Variants in CMPK1 observed in about 807,000 individuals in gnomAD.
CMPK1 encodes the protein cytidine/uridine monophosphate kinase 1.
CMPK1 carries 10 observed loss-of-function variants against 25.7 expected under a neutral mutation model. The ratio of observed to expected loss-of-function variants is 0.39; its 90% confidence interval spans 0.24 to 0.66. CMPK1 has a LOEUF of 0.66. Ranked by LOEUF, CMPK1 falls within the 30% of genes least tolerant of loss-of-function variation. The pLI is 0.48. For synonymous variants in CMPK1, 106 were observed against 101.5 expected, an observed-to-expected ratio of 1.04 and a Z score of -0.27; for missense variants, 199 against 280.5, an observed-to-expected ratio of 0.71 and a Z score of 2.08.
At chr1:47,355,039 G>A (rs1293675078) in intron 1 of CMPK1, among the ~76,000 whole-genome samples, 1 of 151,704 alleles carries the variant, frequency 6.6e-6, no homozygotes, top group Non-Finnish European at 1.5e-5. Flanking sequence ...TAATCCAGTG[G>A]AAAATGGAAT....
At chr1:47,341,254 A>G (rs374472131) in intron 1 of CMPK1, among the ~76,000 whole-genome samples, 2 of 152,328 alleles carry the variant, frequency 1.3e-5, no homozygotes, top group Middle Eastern at 3.4e-3. Flanking sequence ...ACAAAAATGC[A>G]AATATTTATA....
intron 1 of CMPK1, among the ~76,000 whole-genome samples, chr1:47,359,392 T>TTC (rs1553189277): frequency 2.8e-5 from 4 of 140,710 alleles, no homozygotes; most frequent in Non-Finnish European, 4.5e-5. Context: ...TTTTCTTTTT[T>TTC]TTTTTTTTTT....
chr1:47,367,948 T>G, intron 1 of CMPK1, among the ~76,000 whole-genome samples: 1 of 152,018 alleles, frequency 6.6e-6, no homozygotes, highest in East Asian at 1.9e-4. Flanking sequence ...TTAAATTTAT[T>G]TTTTATTTTT....
intron 1 of CMPK1, chr1:47,358,646 C>T: frequency 1.0e-6 from 1 of 990,274 alleles, no homozygotes; most frequent in Non-Finnish European, 1.2e-6. Flanking sequence ...AAACCTTAAG[C>T]ACTCTAGTTC....
chr1:47,358,407 G>C (rs557469343), intron 1 of CMPK1: 5 of 1,229,794 alleles, frequency 4.1e-6, no homozygotes, highest in Non-Finnish European at 5.2e-6. Context: ...GCCACAGTGC[G>C]TAGTCCCTGT....
At chr1:47,346,477 C>T (rs1646484641) in intron 1 of CMPK1, among the ~76,000 whole-genome samples, 1 of 151,906 alleles carries the variant, frequency 6.6e-6, no homozygotes, top group African/African-American at 2.4e-5. Context: ...TTAATTTTAT[C>T]TCCCTGTCTC....
At chr1:47,374,219 G>C (rs1233475151) in intron 3 of CMPK1, among the ~76,000 whole-genome samples, 1 of 152,180 alleles carries the variant, frequency 6.6e-6, no homozygotes, top group Non-Finnish European at 1.5e-5. Flanking sequence ...ACCATGCCTA[G>C]TTAATTTTTG....
At chr1:47,358,104 CTTTTT>C (rs398039948) in intron 1 of CMPK1, among the ~76,000 whole-genome samples, 1 of 78,754 alleles carries the variant, frequency 1.3e-5, no homozygotes, top group African/African-American at 5.3e-5. Flanking sequence ...CATAGTAGGT[CTTTTT>C]TTTTTTTTTT....
chr1:47,334,927 T>C (rs1024601523), intron 1 of CMPK1, among the ~76,000 whole-genome samples: 5 of 152,348 alleles, frequency 3.3e-5, no homozygotes, highest in Non-Finnish European at 5.9e-5. Flanking sequence ...AAAATGCTGT[T>C]ACTTTTTTTT....
chr1:47,374,871 C>A, intron 3 of CMPK1, 38 bp from the exon 4 acceptor site: 1 of 1,493,056 alleles, frequency 6.7e-7, no homozygotes, highest in South Asian at 1.2e-5. Context: ...ATGGCAAATT[C>A]ATATCTATAT....
intron 1 of CMPK1, among the ~76,000 whole-genome samples, chr1:47,351,951 C>T (rs1417205789): frequency 8.5e-5 from 13 of 152,068 alleles, no homozygotes; most frequent in East Asian, 1.9e-4. Context: ...GCCTGACCAA[C>T]GTAGTGAAAC....
chr1:47,359,914 C>G (rs2820989), intron 1 of CMPK1, among the ~76,000 whole-genome samples: 63,671 of 152,040 alleles, frequency 0.42, 15,435 homozygotes, highest in South Asian at 0.55. Flanking sequence ...TGCCTTTCTC[C>G]AGGTATTCTC....
chr1:47,355,260 G>A (rs1646551601), intron 1 of CMPK1, among the ~76,000 whole-genome samples: 1 of 151,536 alleles, frequency 6.6e-6, no homozygotes. Context: ...TGGCCAGGCT[G>A]GTCTTGAACT....
chr1:47,352,372 T>C (rs1273406886), intron 1 of CMPK1, among the ~76,000 whole-genome samples: 1 of 152,152 alleles, frequency 6.6e-6, no homozygotes, highest in Non-Finnish European at 1.5e-5. Flanking sequence ...GAACATCCAG[T>C]ATGCTTTCTA....
intron 2 of CMPK1, 31 bp from the exon 3 acceptor site, chr1:47,372,924 G>A (rs749376825): frequency 6.3e-7 from 1 of 1,577,610 alleles, no homozygotes; most frequent in South Asian, 1.2e-5. Context: ...TGTTAATGTT[G>A]TATTGAACCT....
In CMPK1 at chr1:47,334,019, T is replaced by C; in HGVS notation, c.74T>C (p.Ile25Thr). ...TTCCTGCTGCAGACCCGCCGGCCGATTCTCCTCTGCTCTCCACGTCTCATG... is the reference window on the plus strand; with the variant it reads ...TTCCTGCTGCAGACCCGCCGGCCGACTCTCCTCTGCTCTCCACGTCTCATG... ...LSFLLQTRRP[I>T]LLCSPRLMKP... Residue 25 changes from isoleucine to threonine, a missense_variant, in exon 1 of 6, where the codon ATT becomes ACT. Ile to Thr is a moderately conservative substitution (Grantham distance 89). This residue lies in a region of CMPK1 where 59 missense variants were observed against 45.1 expected (regional missense o/e 1.31). Coordinates refer to ENST00000371873, the MANE Select transcript of CMPK1 (RefSeq NM_016308.3). 6.5e-7 allele frequency: 1 copy of C among 1,548,272 alleles called. No individual in the cohort carries two copies. The highest frequency in any genetic ancestry group is 8.7e-7 in the Non-Finnish European group (1 of 1,146,880).
chr1:47,366,452 C>G (rs1002631553), intron 1 of CMPK1, among the ~76,000 whole-genome samples: 1 of 151,840 alleles, frequency 6.6e-6, no homozygotes, highest in African/African-American at 2.4e-5. Flanking sequence ...TAAAGTCTAG[C>G]TGTTACTAAA....
At chr1:47,349,758 G>T (rs2149327884) in intron 1 of CMPK1, among the ~76,000 whole-genome samples, 1 of 152,192 alleles carries the variant, frequency 6.6e-6, no homozygotes, top group South Asian at 2.1e-4. Context: ...TTGTTTGTTT[G>T]TTTGTTTGTT....
intron 1 of CMPK1, among the ~76,000 whole-genome samples, chr1:47,341,424 C>T (rs1646440127): frequency 6.6e-6 from 1 of 151,928 alleles, no homozygotes; most frequent in South Asian, 2.1e-4. Flanking sequence ...GCTAGAGAAC[C>T]TTGGCACTCT....
Sources: gnomAD v4.1 joint callset for allele counts (sites outside exome capture counted in the v4.1 genomes callset) on GRCh38, gnomAD v4.1.1 for gene constraint, gnomAD v4.1.1 regional missense constraint, MANE v1.5 for transcripts, NCBI Gene and HGNC (gene_info 2026-07-23, HGNC 2026-07-21) for gene names.